Variants in IFT172 observed in about 807,000 individuals in gnomAD.
IFT172 encodes intraflagellar transport protein 172 homolog.
A neutral mutation model predicts 248.9 loss-of-function variants in IFT172; 164 were observed. The ratio of observed to expected loss-of-function variants is 0.66; its 90% CI spans 0.58 to 0.75. The LOEUF (loss-of-function observed/expected upper bound fraction) is 0.75. Ranked by LOEUF, IFT172 falls within the 30% of genes least tolerant of loss-of-function variation. The pLI is 0.00. For missense variants in IFT172, 1,950 were observed against 2,192.4 expected (o/e 0.89, Z 2.21); for synonymous variants, 729 against 791.6 (o/e 0.92, Z 1.33).
At chr2:27,457,549 TG>T in intron 29 of IFT172, 89 bp downstream of exon 29, 4 of 1,147,444 alleles carry the variant, frequency 3.5e-6, no homozygotes, top group Non-Finnish European at 5.2e-6. Context: ...CACTCCAGCC[TG>T]GGTGACAGAG....
chr2:27,470,816 C>G (rs938161529), intron 16 of IFT172, 112 bp downstream of exon 16: 20 of 1,048,980 alleles, frequency 1.9e-5, no homozygotes, highest in Non-Finnish European at 2.5e-5. Flanking sequence ...CCAATTCTAT[C>G]ACAGAGATTA....
intron 26 of IFT172, 47 bp downstream of exon 26, chr2:27,458,724 GGCCACAAT>G: frequency 6.3e-7 from 1 of 1,591,006 alleles, no homozygotes; most frequent in Non-Finnish European, 8.6e-7. Context: ...CAAGGAATGA[GGCCACAAT>G]GCCACTAAGG....
chr2:27,448,169 G>A (rs563615407), intron 40 of IFT172, among the ~76,000 whole-genome samples: 18 of 151,966 alleles, frequency 1.2e-4, no homozygotes, highest in Admixed American at 8.5e-4. Flanking sequence ...GCATGATCTC[G>A]GCTCACTGCA....
intron 35 of IFT172, 86 bp from the exon 36 acceptor site, chr2:27,450,182 C>T: frequency 3.0e-6 from 3 of 993,988 alleles, no homozygotes; most frequent in Non-Finnish European, 4.6e-6. Context: ...ACATTTTTCT[C>T]CTCCAGATGC....
Position 27,453,366 on chromosome 2 carries a change from A to G in IFT172, c.3951+18T>C. ...GGCCTAGGGAGAAGGAGGGCCAGAA[A>G]GGGCCTGCTGTCCTCACCTTCATCC... On this transcript the variant is annotated intron_variant, in intron 35 of 47. Transcript: ENST00000260570. The G allele has an allele frequency of 6.2e-7, 1 of 1,614,152 alleles. No homozygotes were observed. Among genetic ancestry groups the G allele is most frequent in the Non-Finnish European group, 8.5e-7 (1 of 1,179,990 alleles).
rs144890293 is a variant in IFT172 at position 27,465,746 on chromosome 2, C to T, written c.1829G>A (p.Arg610Gln). ...GTAIDDGNYI[R>Q]ATAFLETLEM... ...CACTGGTTATTGGCCAGCCTCTCAC[C>T]GGATGTAGTTGCCATCATCAATGGC... is the stretch of plus-strand genomic sequence containing the variant. The change falls in exon 17 of 48, where the codon CGG becomes CAG. Residue 610 changes from arginine to glutamine, a missense_variant and splice_region_variant. By Grantham distance (43) the Arg-to-Gln change is conservative (BLOSUM62 1). This residue lies in a region of IFT172 where 1,166 missense variants were observed against 1,254.1 expected (regional missense o/e 0.93). Transcript: ENST00000260570. The T allele has an allele frequency of 1.3e-5, 21 of 1,614,000 alleles. No individual in the cohort carries two copies. The highest frequency in any genetic ancestry group is 1.2e-4 in the African/African-American group (9 of 74,888).
chr2:27,486,383 A>C (rs1438690758), intron 1 of IFT172: 1 of 167,082 alleles, frequency 6.0e-6, no homozygotes, highest in Non-Finnish European at 1.5e-5. Flanking sequence ...TCTCCAGGTG[A>C]ATTATTCTGA....
chr2:27,462,992 G>T, intron 19 of IFT172, 105 bp downstream of exon 19: 1 of 1,365,334 alleles, frequency 7.3e-7, no homozygotes, highest in Non-Finnish European at 1.0e-6. Flanking sequence ...GGTGGGCAGG[G>T]TAAAGGAAAC....
chr2:27,487,258 C>T (rs1335214974), intron 1 of IFT172, among the ~76,000 whole-genome samples: 1 of 152,016 alleles, frequency 6.6e-6, no homozygotes, highest in Non-Finnish European at 1.5e-5. Flanking sequence ...GTTCTCATTT[C>T]CTCCTATTGT....
At chr2:27,477,709 T>C in intron 11 of IFT172, 97 bp from the exon 12 acceptor site, 1 of 936,924 alleles carries the variant, frequency 1.1e-6, no homozygotes, top group South Asian at 1.3e-5. Context: ...AAAGATATAT[T>C]TATGTAGGCT....
chr2:27,458,014 A>C lies in IFT172; in HGVS notation c.2976-38T>G, dbSNP rs774919839. 1.9e-6 allele frequency: 3 copies of C among 1,613,816 alleles called. No individual in the cohort carries two copies. The South Asian group carries it at 3.3e-5, about 18-fold the overall frequency. On this transcript the variant is annotated intron_variant, in intron 27 of 47. Transcript: ENST00000260570. Reference sequence around the variant, plus strand: ...ATACATCTGGGGCCTCCTAGACCCGACCCCTGCTATCACTGCCTTCTGGGC... The same window carrying C: ...ATACATCTGGGGCCTCCTAGACCCGCCCCCTGCTATCACTGCCTTCTGGGC...
chr2:27,445,272 C>G lies in IFT172; in HGVS notation c.5068+24G>C, dbSNP rs377082478. 8.1e-6 allele frequency: 13 copies of G among 1,600,592 alleles called. No homozygotes were observed. The highest frequency in any genetic ancestry group is 1.7e-5 in the Admixed American group (1 of 58,732). On this transcript the variant is annotated intron_variant, in intron 46 of 47. Coordinates refer to ENST00000260570, the MANE Select transcript of IFT172 (RefSeq NM_015662.3). The surrounding 1 kb of genome is among the most constrained non-coding windows in gnomAD (Gnocchi z 4.4). ...TGCTGCTTTCTACCCACCACAGGAT[C>G]TGGGGTGCTGTAGGCTTCTATACCT...
chr2:27,453,558 C>T, intron 34 of IFT172, 45 bp from the exon 35 acceptor site: 1 of 1,611,072 alleles, frequency 6.2e-7, no homozygotes. Flanking sequence ...AGGGGGGCAG[C>T]ATGCTCTATC....
Position 27,453,480 on chromosome 2 carries a change from G to C in IFT172, c.3855C>G (p.His1285Gln), listed in dbSNP as rs776343273. Reference sequence around the variant, plus strand: ...GGCTGTACTCTCCAGCCTGCTCCCAGTGTCGAGCTTGTTCCACAAATCCCT... The same window carrying C: ...GGCTGTACTCTCCAGCCTGCTCCCACTGTCGAGCTTGTTCCACAAATCCCT... Reference protein sequence around the residue: ...GVEGFVEQARHWEQAGEYSRA... With the variant: ...GVEGFVEQARQWEQAGEYSRA... Residue 1285 changes from histidine to glutamine, a missense_variant, in exon 35 of 48, where the codon CAC becomes CAG. By Grantham distance (24) the His-to-Gln change is conservative. Coordinates refer to ENST00000260570, the MANE Select transcript of IFT172 (RefSeq NM_015662.3). The C allele has an allele frequency of 8.1e-6, 13 of 1,614,168 alleles. 1 individual carries two copies. The South Asian group carries it at 1.3e-4, about 16-fold the overall frequency.
At chr2:27,449,590 T>A (rs1346872618) in intron 37 of IFT172, 28 bp from the exon 38 acceptor site, 2 of 1,614,110 alleles carry the variant, frequency 1.2e-6, no homozygotes, top group Non-Finnish European at 1.7e-6. Context: ...GAGCTCCATC[T>A]TCATGTTCCA....
rs1024772797 is a variant in IFT172, at chr2:27,445,567, G to C, written c.4915-118C>G. On this transcript the variant is annotated intron_variant, in intron 45 of 47. Coordinates refer to ENST00000260570, the MANE Select transcript of IFT172 (RefSeq NM_015662.3). This position sits in a 1 kb window ranked among gnomAD's most constrained non-coding sequence, Gnocchi z 4.4. ...ATCCTGTATACCAGCTTTTAGCCAC[G>C]AATCCTCCTTGGATTGGGGGATGCA... is the stretch of plus-strand genomic sequence containing the variant. 2 of 1,332,778 alleles carry C rather than the reference G, an allele frequency of 1.5e-6. No homozygotes were observed. Among genetic ancestry groups the C allele is most frequent in the Non-Finnish European group, 2.0e-6 (2 of 975,664 alleles). The allele number at this position is 1,332,778 out of a possible 1,614,324, so 82.6% of individuals were successfully genotyped here.
chr2:27,487,084 A>C (rs529547969), intron 1 of IFT172, among the ~76,000 whole-genome samples: 7 of 152,162 alleles, frequency 4.6e-5, no homozygotes, highest in Admixed American at 1.3e-4. Context: ...CTGAGGCTAT[A>C]GGCGTGTGCT....
At chr2:27,449,850 CCCACTGTGAG>C (rs778339821) in intron 36 of IFT172, 50 bp from the exon 37 acceptor site, 7 of 1,479,948 alleles carry the variant, frequency 4.7e-6, no homozygotes, top group Non-Finnish European at 6.5e-6. Flanking sequence ...TCCCAGTCTT[CCCACTGTGAG>C]CTCTCCCATC....
At chr2:27,449,476 C>T (rs1665456580) in intron 38 of IFT172, 23 bp downstream of exon 38, 1 of 1,614,124 alleles carries the variant, frequency 6.2e-7, no homozygotes, top group African/African-American at 1.3e-5. Flanking sequence ...CATTCTGCCT[C>T]CTGCTAACTC....
Sources: gnomAD v4.1 joint callset for allele counts (sites outside exome capture counted in the v4.1 genomes callset) on GRCh38, gnomAD v4.1.1 for gene constraint, gnomAD v4.1.1 regional missense constraint, Gnocchi (gnomAD v3.1) non-coding constraint, MANE v1.5 for transcripts, NCBI Gene and HGNC (gene_info 2026-07-23, HGNC 2026-07-21) for gene names.